WDR33: variants seen among roughly 807,000 people sequenced by gnomAD.
WDR33 encodes the protein pre-mRNA 3' end processing protein WDR33.
In WDR33, 47 loss-of-function variants were observed where a neutral mutation model predicts 164.9. The observed-to-expected ratio is 0.29, with a 90% CI of 0.23 to 0.36. WDR33 has a LOEUF of 0.36. Ranked by LOEUF, WDR33 falls within the 10% of genes least tolerant of loss-of-function variation. The pLI is 1.00. For missense variants in WDR33, 1,137 were observed against 1,754.1 expected (o/e 0.65, Z 6.28); for synonymous variants, 505 against 589.0 (o/e 0.86, Z 2.06).
At chr2:127,776,658 A>G (rs901910933) in intron 1 of WDR33, among the ~76,000 whole-genome samples, 1 of 152,184 alleles carries the variant, frequency 6.6e-6, no homozygotes, top group Non-Finnish European at 1.5e-5. Flanking sequence ...ATGTTGCACC[A>G]CTGCACTCCA....
intron 7 of WDR33, among the ~76,000 whole-genome samples, chr2:127,747,790 A>G (rs1310830759): frequency 6.6e-6 from 1 of 152,192 alleles, no homozygotes; most frequent in Admixed American, 6.5e-5. Context: ...CCTGACCTCA[A>G]GTCTGTCTGG....
intron 1 of WDR33, 141 bp from the exon 2 acceptor site, chr2:127,771,145 T>A: frequency 1.5e-6 from 1 of 685,140 alleles, no homozygotes; most frequent in Non-Finnish European, 2.4e-6. Context: ...ACTACAGTCA[T>A]GAGTCACTTA....
At chr2:127,766,356 A>G (rs969262235) in intron 4 of WDR33, among the ~76,000 whole-genome samples, 2 of 152,226 alleles carry the variant, frequency 1.3e-5, no homozygotes, top group Non-Finnish European at 2.9e-5. Context: ...ACAAATATAT[A>G]TGACAATTTG....
chr2:127,786,192 A>C (rs1688560996), intron 1 of WDR33, among the ~76,000 whole-genome samples: 1 of 152,044 alleles, frequency 6.6e-6, no homozygotes, highest in South Asian at 2.1e-4. Flanking sequence ...TGCCACCATG[A>C]GTGGTTAAAC....
chr2:127,733,227 G>A lies in WDR33; in HGVS notation c.725-6450C>T, dbSNP rs548370756. On this transcript the variant is annotated intron_variant, in intron 7 of 21. Coordinates refer to ENST00000322313, the MANE Select transcript of WDR33 (RefSeq NM_018383.5). ...ACAAAAAAAAGGAAGATAAAATTCC[G>A]AACAGCACCAAATCTGCTCCAGACA... 6.6e-4 allele frequency among the ~76,000 whole-genome samples: 100 copies of A among 152,204 alleles called. 1 individual carries two copies. Among genetic ancestry groups the A allele is most frequent in the African/African-American group, 2.3e-3 (94 of 41,508 alleles).
At chr2:127,751,140 C>A (rs968831599) in intron 7 of WDR33, among the ~76,000 whole-genome samples, 7 of 151,832 alleles carry the variant, frequency 4.6e-5, no homozygotes, top group Non-Finnish European at 1.0e-4. Flanking sequence ...GCGGGAGGAT[C>A]ACTTGAGCCC....
chr2:127,715,010 C>G (rs1460690476), intron 17 of WDR33, among the ~76,000 whole-genome samples: 2 of 152,030 alleles, frequency 1.3e-5, no homozygotes, highest in Non-Finnish European at 2.9e-5. Context: ...AAAGACAAAC[C>G]CCTCCTGTAC....
chr2:127,796,451 G>A (rs1450027971), intron 1 of WDR33, among the ~76,000 whole-genome samples: 3 of 151,880 alleles, frequency 2.0e-5, no homozygotes, highest in Admixed American at 6.6e-5. Flanking sequence ...AGTGGCTCAC[G>A]CCTATAATCC....
intron 1 of WDR33, among the ~76,000 whole-genome samples, chr2:127,798,069 C>T (rs1327462317): frequency 3.9e-5 from 6 of 151,972 alleles, no homozygotes; most frequent in African/African-American, 1.2e-4. Flanking sequence ...TTAAACCTTG[C>T]TTAACAAATG....
chr2:127,711,768 A>ATT lies in WDR33; in HGVS notation c.3308+1814_3308+1815insAA, dbSNP rs1441301170. The stretch of plus-strand genomic sequence containing the variant: ...CATATACAGATATATATATATATAT[A>ATT]TATATATATATATTTTTTTTTTGAG... On this transcript the variant is annotated intron_variant, in intron 18 of 21. Coordinates refer to ENST00000322313, the MANE Select transcript of WDR33 (RefSeq NM_018383.5). Among the ~76,000 whole-genome samples the ATT allele has an allele frequency of 8.4e-3, 592 of 70,214 alleles. 16 individuals carry two copies. Among genetic ancestry groups the ATT allele is most frequent in the African/African-American group, 0.014 (129 of 8,998 alleles). 46.1% of individuals were successfully genotyped at this position (70,214 alleles called of 152,430 possible).
intron 7 of WDR33, among the ~76,000 whole-genome samples, chr2:127,743,756 A>G (rs764744466): frequency 1.3e-5 from 2 of 152,208 alleles, no homozygotes; most frequent in Non-Finnish European, 2.9e-5. Flanking sequence ...TAAAGCTATA[A>G]AGAAAACCAC....
At chr2:127,793,204 G>A (rs1035117823) in intron 1 of WDR33, among the ~76,000 whole-genome samples, 4 of 152,130 alleles carry the variant, frequency 2.6e-5, no homozygotes, top group African/African-American at 9.7e-5. Context: ...GCCGAGGCAG[G>A]TGGATCATCT....
chr2:127,708,990 G>A lies in WDR33; in HGVS notation c.3566-98C>T, dbSNP rs1035082825. On this transcript the variant is annotated intron_variant, in intron 20 of 21. Coordinates refer to ENST00000322313, the MANE Select transcript of WDR33 (RefSeq NM_018383.5). The surrounding 1 kb of genome is among the most constrained non-coding windows in gnomAD (Gnocchi z 6.7). ...AGTAAGGAGCAACTCGAGAGCCACCGTTCACTCATGCTGAATGCCCGCCAG... is the reference window on the plus strand; with the variant it reads ...AGTAAGGAGCAACTCGAGAGCCACCATTCACTCATGCTGAATGCCCGCCAG... The A allele has an allele frequency of 8.5e-6, 11 of 1,295,454 alleles. No homozygotes were observed. The highest frequency in any genetic ancestry group is 1.5e-5 in the African/African-American group (1 of 67,072). The allele number at this position is 1,295,454 out of a possible 1,614,324, so 80.2% of individuals were successfully genotyped here. A position where few individuals can be genotyped will look rare whatever the true frequency, so the allele number is the denominator to read the frequency against.
chr2:127,739,472 T>C (rs935250271), intron 7 of WDR33, among the ~76,000 whole-genome samples: 17 of 152,368 alleles, frequency 1.1e-4, no homozygotes, highest in Admixed American at 9.1e-4. Flanking sequence ...GGTTCAGTGC[T>C]CATATGCTAC....
chr2:127,735,896 G>C lies in WDR33; in HGVS notation c.725-9119C>G, dbSNP rs1686826897. The C allele has an allele frequency of 1.0e-6, 1 of 985,318 alleles. No individual in the cohort carries two copies. The highest frequency in any genetic ancestry group is 6.1e-5 in the Admixed American group (1 of 16,272). 61.0% of individuals were successfully genotyped at this position (985,318 alleles called of 1,614,324 possible). A position where few individuals can be genotyped will look rare whatever the true frequency, so the allele number is the denominator to read the frequency against. ...TACTATTAGTCATCTTTGTTGTCCA[G>C]TCTAGAAAGTTACATCAGTGAAAAA... On this transcript the variant is annotated intron_variant, in intron 7 of 21. Coordinates refer to ENST00000322313, the MANE Select transcript of WDR33 (RefSeq NM_018383.5). The surrounding 1 kb of genome is among the most constrained non-coding windows in gnomAD (Gnocchi z 4.3).
intron 7 of WDR33, among the ~76,000 whole-genome samples, chr2:127,760,003 C>T (rs1184077781): frequency 6.6e-6 from 1 of 152,158 alleles, no homozygotes; most frequent in African/African-American, 2.4e-5. Flanking sequence ...TCATACTTAA[C>T]GGCCTGCCAT....
At position 127,741,948 on chromosome 2, in the gene WDR33, C is replaced by T. The variant is rs535491694; in HGVS notation, c.725-15171G>A. Among the ~76,000 whole-genome samples the T allele has an allele frequency of 3.2e-4, 48 of 152,090 alleles. No homozygotes were observed. The highest frequency in any genetic ancestry group is 6.0e-4 in the Non-Finnish European group (41 of 67,968). On this transcript the variant is annotated intron_variant, in intron 7 of 21. Transcript: ENST00000322313. The surrounding 1 kb of genome is among the most constrained non-coding windows in gnomAD (Gnocchi z 4.1). The stretch of plus-strand genomic sequence containing the variant: ...GGGCACGGTGGCTCACACCTGTAAT[C>T]CCAGCACTTTGGGAGGCCGAGGCGG...
chr2:127,762,510 CAT>C, intron 7 of WDR33: 3 of 985,470 alleles, frequency 3.0e-6, no homozygotes, highest in Non-Finnish European at 3.6e-6. Flanking sequence ...GAAGTAATTT[CAT>C]AGAGGTTTAT....
intron 1 of WDR33, among the ~76,000 whole-genome samples, chr2:127,777,319 GCAGAA>G (rs2105453916): frequency 6.6e-6 from 1 of 152,188 alleles, no homozygotes; most frequent in South Asian, 2.1e-4. Context: ...TCCTAATTTC[GCAGAA>G]CAGTAGTTTT....
Sources: allele counts gnomAD v4.1 joint callset (sites outside exome capture counted in the v4.1 genomes callset), GRCh38; gene constraint gnomAD v4.1.1; non-coding constraint Gnocchi (gnomAD v3.1); transcripts MANE v1.5; gene names NCBI Gene and HGNC (gene_info 2026-07-23, HGNC 2026-07-21).